MYO16: variants seen among roughly 807,000 people sequenced by gnomAD.
MYO16 encodes the protein myosin XVI, also known as unconventional myosin-XVI.
A neutral mutation model predicts 205.3 loss-of-function variants in MYO16; 94 were observed. The observed-to-expected ratio is 0.46, with a 90% CI of 0.39 to 0.54. MYO16 has a LOEUF of 0.54. Ranked by LOEUF, MYO16 falls within the 20% of genes least tolerant of loss-of-function variation. The pLI, the probability that MYO16 is intolerant of heterozygous loss-of-function variation, is 0.00. For synonymous variants in MYO16, 988 were observed against 954.0 expected (o/e 1.04, Z -0.66); for missense variants, 2,315 against 2,387.5 (o/e 0.97, Z 0.63).
intron 16 of MYO16, among the ~76,000 whole-genome samples, chr13:108,911,251 A>G (rs1400738669): frequency 1.3e-5 from 2 of 152,094 alleles, no homozygotes; most frequent in African/African-American, 2.4e-5. Context: ...TTGCTGTGCT[A>G]TTTCCCCATC....
chr13:109,134,419 G>T (rs1050363586), intron 31 of MYO16, among the ~76,000 whole-genome samples: 2 of 152,218 alleles, frequency 1.3e-5, no homozygotes, highest in East Asian at 3.8e-4. Flanking sequence ...ACATAAAGTA[G>T]TGATTGTTTT....
At chr13:108,599,980 C>A (rs1878705679) in intron 1 of MYO16, among the ~76,000 whole-genome samples, 1 of 152,070 alleles carries the variant, frequency 6.6e-6, no homozygotes, top group African/African-American at 2.4e-5. Context: ...GTAATTTGGC[C>A]ATCTATTTGC....
chr13:108,982,377 C>T (rs1884474837), intron 20 of MYO16, among the ~76,000 whole-genome samples: 1 of 151,974 alleles, frequency 6.6e-6, no homozygotes. Flanking sequence ...TTTACTTTAA[C>T]ATACAACTTA....
At chr13:108,898,187 A>G in intron 15 of MYO16, 54 bp downstream of exon 15, 2 of 1,363,696 alleles carry the variant, frequency 1.5e-6, no homozygotes, top group Non-Finnish European at 2.1e-6. Context: ...GCATGCGACC[A>G]CGTCACACAC....
chr13:108,818,421 A>G (rs1201398942), intron 7 of MYO16, among the ~76,000 whole-genome samples: 2 of 146,700 alleles, frequency 1.4e-5, no homozygotes, highest in Non-Finnish European at 3.0e-5. Flanking sequence ...AATAAAAAAG[A>G]GAGAGATTAA....
chr13:109,190,139 T>C (rs1268834740), intron 34 of MYO16, among the ~76,000 whole-genome samples: 1 of 152,202 alleles, frequency 6.6e-6, no homozygotes, highest in Non-Finnish European at 1.5e-5. Context: ...TTCTACATTT[T>C]TAAGGAAAAA....
rs367889755 is a variant in MYO16, at chr13:109,162,155, C to T, written c.5165-2746C>T. 3.9e-5 allele frequency among the ~76,000 whole-genome samples: 6 copies of T among 152,146 alleles called. No individual in the cohort carries two copies. The highest frequency in any genetic ancestry group is 1.3e-4 in the Admixed American group (2 of 15,272). On this transcript the variant is annotated intron_variant, in intron 32 of 34. Coordinates refer to ENST00000457511, the MANE Select transcript of MYO16 (RefSeq NM_001198950.3). The surrounding 1 kb of genome is among the most constrained non-coding windows in gnomAD (Gnocchi z 4.6). The stretch of plus-strand genomic sequence containing the variant: ...ACCTGCCAATTGAAAAATAGAAATA[C>T]GTTTAAACTTTAATTGCAAAAATGA...
chr13:108,865,860 T>C (rs1230267456), intron 11 of MYO16, among the ~76,000 whole-genome samples: 1 of 152,100 alleles, frequency 6.6e-6, no homozygotes, highest in Non-Finnish European at 1.5e-5. Context: ...TGTCATATGT[T>C]TTAAGTCTAT....
intron 4 of MYO16, among the ~76,000 whole-genome samples, chr13:108,757,282 C>T (rs1202632835): frequency 5.3e-5 from 8 of 152,074 alleles, no homozygotes; most frequent in Non-Finnish European, 1.0e-4. Flanking sequence ...GATGAATTCA[C>T]CATGAGAGGA....
intron 10 of MYO16, among the ~76,000 whole-genome samples, chr13:108,846,590 T>C (rs1877535658): frequency 6.6e-6 from 1 of 152,034 alleles, no homozygotes; most frequent in African/African-American, 2.4e-5. Flanking sequence ...AGGATTCTAT[T>C]AGAATAGTTA....
chr13:109,158,553 C>T (rs1485169361), intron 32 of MYO16, among the ~76,000 whole-genome samples: 12 of 152,146 alleles, frequency 7.9e-5, no homozygotes, highest in Admixed American at 5.9e-4. Flanking sequence ...CCGGAGGTGA[C>T]GTTGCCTTTG....
intron 12 of MYO16, among the ~76,000 whole-genome samples, chr13:108,869,666 G>A (rs1466185679): frequency 9.1e-5 from 13 of 143,602 alleles, no homozygotes; most frequent in African/African-American, 3.1e-4. Flanking sequence ...GGGAGGCGGA[G>A]GTTGCAGTGA....
At chr13:109,122,369 A>G (rs776371743) in intron 29 of MYO16, among the ~76,000 whole-genome samples, 40 of 152,204 alleles carry the variant, frequency 2.6e-4, no homozygotes, top group Non-Finnish European at 3.4e-4. Flanking sequence ...CACTTTTCTA[A>G]AGATAAAAAT....
At chr13:108,793,490 G>A in intron 5 of MYO16, 26 bp from the exon 6 acceptor site, 1 of 1,610,710 alleles carries the variant, frequency 6.2e-7, no homozygotes, top group Non-Finnish European at 8.5e-7. Context: ...TCTCCATTCT[G>A]GTTGAAAGGC....
At chr13:109,166,149 A>G (rs946672394) in intron 33 of MYO16, among the ~76,000 whole-genome samples, 1 of 152,238 alleles carries the variant, frequency 6.6e-6, no homozygotes, top group African/African-American at 2.4e-5. Flanking sequence ...CAATATGTCC[A>G]CAGGGATTCA....
chr13:108,925,568 C>G lies in MYO16; in HGVS notation c.1925+15418C>G, dbSNP rs535523268. Among the ~76,000 whole-genome samples the G allele has an allele frequency of 1.5e-3, 227 of 152,250 alleles. 1 individual carries two copies. The highest frequency in any genetic ancestry group is 5.1e-3 in the African/African-American group (212 of 41,526). ...ACTTTCTCACCTAAAGAACCTGGTT[C>G]CCCCACCAAGTCTTCCCTGTCCCAG... On this transcript the variant is annotated intron_variant, in intron 16 of 34. Transcript: ENST00000457511.
chr13:109,161,410 A>G (rs1410538742), intron 32 of MYO16, among the ~76,000 whole-genome samples: 1 of 152,242 alleles, frequency 6.6e-6, no homozygotes, highest in East Asian at 1.9e-4. Context: ...CTGCCTTGCC[A>G]TGAGTTGTGA....
intron 4 of MYO16, among the ~76,000 whole-genome samples, chr13:108,743,332 C>A (rs1353308492): frequency 6.6e-6 from 1 of 151,996 alleles, no homozygotes; most frequent in Non-Finnish European, 1.5e-5. Flanking sequence ...CTATAAAAAT[C>A]CATCATACAT....
chr13:109,010,187 C>T (rs1885545025), intron 22 of MYO16, among the ~76,000 whole-genome samples: 1 of 152,128 alleles, frequency 6.6e-6, no homozygotes, highest in African/African-American at 2.4e-5. Context: ...CTATGACAAC[C>T]TTTCACATGG....
Sources: allele counts gnomAD v4.1 joint callset (sites outside exome capture counted in the v4.1 genomes callset), GRCh38; gene constraint gnomAD v4.1.1; non-coding constraint Gnocchi (gnomAD v3.1); transcripts MANE v1.5; gene names NCBI Gene and HGNC (gene_info 2026-07-23, HGNC 2026-07-21).